Variants in FRMD6 observed in about 807,000 individuals in gnomAD.
FRMD6 encodes the protein FERM domain-containing protein 6.
Under a neutral mutation model 73.2 loss-of-function variants are expected in FRMD6, and 37 were observed. That is an observed-to-expected ratio of 0.51 (90% confidence interval 0.39 to 0.66). The LOEUF is 0.66. Among genes scored for constraint, FRMD6 ranks in the 30% least tolerant of loss-of-function variants. FRMD6 has a pLI of 0.00. For synonymous variants in FRMD6, 273 were observed against 282.2 expected, an observed-to-expected ratio of 0.97 and a Z score of 0.33; for missense variants, 714 against 780.5, an observed-to-expected ratio of 0.91 and a Z score of 1.02.
chr14:51,658,684 T>G (rs1015054966), intron 1 of FRMD6, among the ~76,000 whole-genome samples: 2 of 152,128 alleles, frequency 1.3e-5, no homozygotes, highest in Non-Finnish European at 2.9e-5. Context: ...TCTGTGGCAG[T>G]CTCCAGGAAG....
At chr14:51,513,927 CATGGG>C (rs1330717841) in intron 1 of FRMD6, among the ~76,000 whole-genome samples, 2 of 152,220 alleles carry the variant, frequency 1.3e-5, no homozygotes, top group African/African-American at 2.4e-5. Context: ...ATTGACCAAC[CATGGG>C]ATATCAGGGA....
intron 7 of FRMD6, among the ~76,000 whole-genome samples, chr14:51,709,030 C>G (rs1444355061): frequency 6.6e-6 from 1 of 152,160 alleles, no homozygotes; most frequent in Non-Finnish European, 1.5e-5. Flanking sequence ...TACTCTATAT[C>G]ATCTTGTCTT....
chr14:51,477,145 A>T, the FRMD6 span, among the ~76,000 whole-genome samples: 1 of 152,222 alleles, frequency 6.6e-6, no homozygotes, highest in Non-Finnish European at 1.5e-5. Flanking sequence ...TACCAGACTC[A>T]CATAGAGACA....
chr14:51,455,321 C>T, the FRMD6 span, among the ~76,000 whole-genome samples: 1 of 152,198 alleles, frequency 6.6e-6, no homozygotes, highest in Non-Finnish European at 1.5e-5. Flanking sequence ...TGTTCTAGCT[C>T]CTTCTAGCAG....
the FRMD6 span, among the ~76,000 whole-genome samples, chr14:51,482,965 G>A: frequency 6.6e-6 from 1 of 152,134 alleles, no homozygotes; most frequent in Non-Finnish European, 1.5e-5. Context: ...GCCTCCCAAA[G>A]TGCTGGGATG....
intron 1 of FRMD6, among the ~76,000 whole-genome samples, chr14:51,566,646 C>T (rs1056034433): frequency 6.6e-6 from 1 of 152,152 alleles, no homozygotes; most frequent in African/African-American, 2.4e-5. Flanking sequence ...CTCGAATATG[C>T]ATTTTGAGTC....
At chr14:51,483,904 T>C in the FRMD6 span, among the ~76,000 whole-genome samples, 2 of 152,332 alleles carry the variant, frequency 1.3e-5, no homozygotes, top group Non-Finnish European at 2.9e-5. Context: ...CATATCTATA[T>C]TCATCCAGAT....
chr14:51,572,292 A>T (rs1303188622), intron 2 of FRMD6, among the ~76,000 whole-genome samples: 1 of 152,234 alleles, frequency 6.6e-6, no homozygotes, highest in Non-Finnish European at 1.5e-5. Flanking sequence ...AAGATGATTT[A>T]TTTCCCTTAC....
intron 1 of FRMD6, among the ~76,000 whole-genome samples, chr14:51,506,704 T>C (rs1883981595): frequency 6.6e-6 from 1 of 152,190 alleles, no homozygotes; most frequent in Non-Finnish European, 1.5e-5. Flanking sequence ...AAGGGAATGA[T>C]CTGAGCAGCA....
intron 2 of FRMD6, among the ~76,000 whole-genome samples, chr14:51,606,243 TCA>T (rs1263048263): frequency 1.3e-5 from 2 of 150,232 alleles, no homozygotes; most frequent in African/African-American, 4.8e-5. Flanking sequence ...ACTCACCAAC[TCA>T]CACACAGCCA....
intron 1 of FRMD6, among the ~76,000 whole-genome samples, chr14:51,528,338 C>T (rs1283535242): frequency 6.6e-6 from 1 of 152,134 alleles, no homozygotes; most frequent in African/African-American, 2.4e-5. Flanking sequence ...AAGCACAAAG[C>T]ACTAGGAGCA....
chr14:51,711,268 T>C (rs1896931328), intron 7 of FRMD6, among the ~76,000 whole-genome samples: 1 of 152,198 alleles, frequency 6.6e-6, no homozygotes, highest in Non-Finnish European at 1.5e-5. Flanking sequence ...CAAAAGTGTA[T>C]GTAATATAGT....
chr14:51,516,185 G>T (rs1884628778), intron 1 of FRMD6, among the ~76,000 whole-genome samples: 1 of 151,796 alleles, frequency 6.6e-6, no homozygotes, highest in Admixed American at 6.6e-5. Flanking sequence ...CTCTTCTAAG[G>T]ACTAAACACA....
upstream of FRMD6, among the ~76,000 whole-genome samples, chr14:51,485,363 T>C (rs1284041974): frequency 1.3e-5 from 2 of 152,234 alleles, no homozygotes; most frequent in African/African-American, 4.8e-5. Flanking sequence ...CCTAATCCAA[T>C]AGGACCTCAT....
chr14:51,619,325 T>C (rs1489736901), intron 2 of FRMD6, among the ~76,000 whole-genome samples: 1 of 151,948 alleles, frequency 6.6e-6, no homozygotes, highest in African/African-American at 2.4e-5. Context: ...GATGTCTGTT[T>C]ATTAAGTTAA....
At chr14:51,585,939 G>GTGTGTGTATATATATATATATATA in intron 2 of FRMD6, among the ~76,000 whole-genome samples, 3 of 31,398 alleles carry the variant, frequency 9.6e-5, no homozygotes, top group African/African-American at 2.1e-4. Context: ...GTGTGTGTGT[G>GTGTGTGTATATATATATATATATA]TATATATATA....
At chr14:51,657,228 T>A (rs542218471) in intron 1 of FRMD6, among the ~76,000 whole-genome samples, 7 of 152,132 alleles carry the variant, frequency 4.6e-5, no homozygotes, top group Non-Finnish European at 7.4e-5. Context: ...TTTTTTTTGG[T>A]CCCTGTAGCT....
rs1349868233 is a variant in FRMD6, at chr14:51,698,203, G to A, written c.161G>A (p.Cys54Tyr). 4 of 1,612,116 alleles carry A rather than the reference G, an allele frequency of 2.5e-6. No homozygotes were observed. Among genetic ancestry groups the A allele is most frequent in the Non-Finnish European group, 2.5e-6 (3 of 1,178,778 alleles). ...QVCDLLRLKD[C>Y]HLFGLSVIQN... is the part of the protein sequence containing the mutation. ...TGTGACCTGCTCAGGCTAAAGGACT[G>A]CCACCTCTTTGGACTCAGTGTTATA... The change falls in exon 3 of 14, where the codon TGC (cysteine) becomes TAC (tyrosine). Residue 54 changes from cysteine to tyrosine, a missense_variant. By Grantham distance (194) the Cys-to-Tyr change is radical. Transcript: ENST00000344768.
the FRMD6 span, among the ~76,000 whole-genome samples, chr14:51,458,949 C>T: frequency 6.6e-6 from 1 of 152,220 alleles, no homozygotes; most frequent in Admixed American, 6.5e-5. Flanking sequence ...AATGAGAGAG[C>T]TTCCTCGAAT....
Sources: gnomAD v4.1 joint callset for allele counts (sites outside exome capture counted in the v4.1 genomes callset) on GRCh38, gnomAD v4.1.1 for gene constraint, MANE v1.5 for transcripts, NCBI Gene and HGNC (gene_info 2026-07-23, HGNC 2026-07-21) for gene names.